Variants in RPN2 observed in about 807,000 individuals in gnomAD.
The protein encoded by RPN2 is ribophorin II.
RPN2 carries 29 observed loss-of-function variants against 71.4 expected under a neutral mutation model. The ratio of observed to expected loss-of-function variants is 0.41; its 90% CI spans 0.30 to 0.55. The LOEUF (loss-of-function observed/expected upper bound fraction) is 0.55, where lower values mean the gene tolerates loss of function less well. Among genes scored for constraint, RPN2 ranks in the 20% least tolerant of loss-of-function variants. RPN2 has a pLI of 0.35. For synonymous variants in RPN2, 308 were observed against 305.0 expected (o/e 1.01, Z -0.10); for missense variants, 726 against 774.1 (o/e 0.94, Z 0.74).
At chr20:37,194,780 G>T (rs1271829125) in intron 2 of RPN2, among the ~76,000 whole-genome samples, 1 of 152,144 alleles carries the variant, frequency 6.6e-6, no homozygotes, top group Non-Finnish European at 1.5e-5. Flanking sequence ...AGCGGGCCTG[G>T]TTAGAAAGGG....
chr20:37,206,161 C>T (rs770875963), intron 6 of RPN2, among the ~76,000 whole-genome samples: 1 of 152,196 alleles, frequency 6.6e-6, no homozygotes, highest in African/African-American at 2.4e-5. Context: ...TCCTCCTAAG[C>T]AAATAACCTC....
In RPN2 at chr20:37,241,324, GA is replaced by G. The variant is rs1487377235; in HGVS notation, c.*12del. ...TCAGAACAGCACATTAGTTCCAGAA[GA>G]AAGATGGAAATTCTGAAAACTGAAT... On this transcript the variant is annotated 3_prime_UTR_variant, in exon 17 of 17. Coordinates refer to ENST00000237530, the MANE Select transcript of RPN2 (RefSeq NM_002951.5). 2.5e-6 allele frequency: 4 copies of G among 1,612,040 alleles called. No individual in the cohort carries two copies. Among genetic ancestry groups the G allele is most frequent in the Non-Finnish European group, 3.4e-6 (4 of 1,179,090 alleles).
intron 1 of RPN2, 113 bp from the exon 2 acceptor site, chr20:37,184,067 C>T: frequency 7.7e-7 from 1 of 1,301,576 alleles, no homozygotes; most frequent in South Asian, 1.2e-5. Context: ...CCTGGATTCC[C>T]TCGCCCTTCC....
intron 13 of RPN2, among the ~76,000 whole-genome samples, 164 bp from the exon 14 acceptor site, chr20:37,232,132 G>C (rs971694076): frequency 2.0e-5 from 3 of 152,236 alleles, no homozygotes; most frequent in African/African-American, 7.2e-5. Flanking sequence ...AGCCAGCATT[G>C]AGAAGAGGCA....
At chr20:37,193,221 A>G (rs137941886) in intron 2 of RPN2, among the ~76,000 whole-genome samples, 25 of 152,230 alleles carry the variant, frequency 1.6e-4, no homozygotes, top group African/African-American at 6.0e-4. Flanking sequence ...GACTTTGTCT[A>G]TTTTATTTGT....
At chr20:37,189,157 A>G (rs1427814767) in intron 2 of RPN2, among the ~76,000 whole-genome samples, 1 of 151,558 alleles carries the variant, frequency 6.6e-6, no homozygotes, top group Non-Finnish European at 1.5e-5. Flanking sequence ...CTGGTCCTGA[A>G]CTCTTGACCT....
In RPN2 at chr20:37,225,737, C is replaced by T. The variant is rs202003988; in HGVS notation, c.1234C>T (p.Gln412Ter). Residue 412 changes from glutamine to a stop codon, truncating the protein, a stop_gained, in exon 11 of 17, where the codon CAG becomes TAG. Coordinates refer to ENST00000237530, the MANE Select transcript of RPN2 (RefSeq NM_002951.5). LOFTEE classifies it high-confidence loss of function. ...AKGTFIADSH[Q>*]NFALFFQLVD... ...GGGCACATTCATCGCAGACAGCCAC[C>T]AGAACTTCGCCTTGTTCTTCCAGCT... 6.2e-7 allele frequency: 1 copy of T among 1,614,154 alleles called. No homozygotes were observed. The highest frequency in any genetic ancestry group is 1.3e-5 in the African/African-American group (1 of 75,028).
At chr20:37,231,293 AT>A (rs529167220) in intron 13 of RPN2, among the ~76,000 whole-genome samples, 4 of 151,898 alleles carry the variant, frequency 2.6e-5, no homozygotes, top group Non-Finnish European at 4.4e-5. Context: ...ATCCCACACC[AT>A]TGCTGCTTCT....
At chr20:37,232,190 G>C in intron 13 of RPN2, 106 bp from the exon 14 acceptor site, 1 of 1,383,674 alleles carries the variant, frequency 7.2e-7, no homozygotes, top group South Asian at 1.2e-5. Context: ...CCTCTGGGCG[G>C]CATATCCTCT....
At chr20:37,230,367 G>A (rs6073731) in intron 13 of RPN2, among the ~76,000 whole-genome samples, 1 of 152,218 alleles carries the variant, frequency 6.6e-6, no homozygotes, top group Non-Finnish European at 1.5e-5. Context: ...GATGGTTCTA[G>A]CGTTTATCCT....
At chr20:37,205,006 T>C in intron 6 of RPN2, 105 bp downstream of exon 6, 2 of 1,508,642 alleles carry the variant, frequency 1.3e-6, no homozygotes, top group Non-Finnish European at 1.8e-6. Context: ...TACCTTGGGA[T>C]GCTGTCACTC....
rs368583437 is a variant in RPN2, at chr20:37,228,754, T to C, written c.1494+10T>C. 6 of 1,613,566 alleles carry C rather than the reference T, an allele frequency of 3.7e-6. No homozygotes were observed. The African/African-American group carries it at 6.7e-5, about 18-fold the overall frequency. On this transcript the variant is annotated intron_variant, in intron 12 of 16. Coordinates refer to ENST00000237530, the MANE Select transcript of RPN2 (RefSeq NM_002951.5). ...AATCCTCTGGAATGTGGTATGTGCC[T>C]GAATGTACCCCGACCCAGGTGAGAG... is the stretch of plus-strand genomic sequence containing the variant.
At position 37,230,040 on chromosome 20, in the gene RPN2, C is replaced by T. The variant is rs1307782660; in HGVS notation, c.1562C>T (p.Thr521Ile). Reference sequence around the variant, plus strand: ...ACTGTCTTGTCCCAGAACCTTTTCACTCCAAAACAGGAAATTCAGGTATAT... The same window carrying T: ...ACTGTCTTGTCCCAGAACCTTTTCATTCCAAAACAGGAAATTCAGGTATAT... ...PSTVLSQNLF[T>I]PKQEIQHLFR... Residue 521 changes from threonine (T) to isoleucine (I), a missense_variant, in exon 13 of 17, where the codon ACT becomes ATT. Physicochemically the swap from Thr to Ile is moderately conservative, Grantham distance 89 (BLOSUM62 -1). Coordinates refer to ENST00000237530, the MANE Select transcript of RPN2 (RefSeq NM_002951.5). 1 of 1,614,110 alleles carries T rather than the reference C, an allele frequency of 6.2e-7. No individual in the cohort carries two copies.
chr20:37,211,699 C>CT (rs1010436911), intron 8 of RPN2, among the ~76,000 whole-genome samples: 16 of 148,666 alleles, frequency 1.1e-4, no homozygotes, highest in African/African-American at 2.5e-4. Flanking sequence ...GTGCCACAAA[C>CT]TTTTTTTTAT....
intron 9 of RPN2, among the ~76,000 whole-genome samples, chr20:37,220,095 C>T (rs1439936028): frequency 1.3e-5 from 2 of 152,058 alleles, no homozygotes; most frequent in African/African-American, 4.8e-5. Flanking sequence ...CCCATTGAGG[C>T]CATTTACTCT....
At chr20:37,240,280 G>A (rs2068518745) in intron 16 of RPN2, among the ~76,000 whole-genome samples, 1 of 152,112 alleles carries the variant, frequency 6.6e-6, no homozygotes, top group Non-Finnish European at 1.5e-5. Context: ...ACTACCCTTC[G>A]GCTGTTCTTA....
At position 37,213,877 on chromosome 20, in the gene RPN2, TCTTTC is replaced by T. The variant is rs755659114; in HGVS notation, c.1092+16_1092+20del. 1.9e-6 allele frequency: 3 copies of T among 1,586,446 alleles called. No individual in the cohort carries two copies. In the Admixed American group the frequency reaches 5.0e-5, roughly 26 times the overall value. ...CAAATACCGTAGAGGTAGGTGTTTT[TCTTTC>T]CTTCCCATTGCCATGTTAGTATATC... On this transcript the variant is annotated intron_variant, in intron 9 of 16. Transcript: ENST00000237530.
chr20:37,208,879 C>T (rs1429518118), intron 7 of RPN2, among the ~76,000 whole-genome samples: 16 of 152,208 alleles, frequency 1.1e-4, no homozygotes, highest in Non-Finnish European at 1.5e-5. Flanking sequence ...ACTTTGGTGG[C>T]CCCTGCAGAT....
At chr20:37,229,862 C>T in intron 12 of RPN2, 111 bp from the exon 13 acceptor site, 4 of 839,116 alleles carry the variant, frequency 4.8e-6, no homozygotes, top group Non-Finnish European at 2.1e-6. Flanking sequence ...ATTGGGACTG[C>T]CTGGAGCTTT....
Sources: allele counts gnomAD v4.1 joint callset (sites outside exome capture counted in the v4.1 genomes callset), GRCh38; gene constraint gnomAD v4.1.1; transcripts MANE v1.5; gene names NCBI Gene and HGNC (gene_info 2026-07-23, HGNC 2026-07-21).